Variants in OR5AR1 observed in about 807,000 individuals in gnomAD.
OR5AR1 encodes the protein olfactory receptor family 5 subfamily AR member 1.
A neutral mutation model predicts 12.3 loss-of-function variants in OR5AR1; 19 were observed. The ratio of observed to expected loss-of-function variants is 1.55; its 90% CI spans 1.08 to 2.27. The LOEUF (loss-of-function observed/expected upper bound fraction) is 2.27. Among genes scored for constraint, OR5AR1 ranks in the 30% most tolerant of loss-of-function variants. The pLI is 0.00. For synonymous variants in OR5AR1, 156 were observed against 138.8 expected (o/e 1.12, Z -0.87); for missense variants, 432 against 378.4 (o/e 1.14, Z -1.18).
chr11:56,664,556 A>T lies in OR5AR1; in HGVS notation c.871A>T (p.Ser291Cys), dbSNP rs371714522. The T allele has an allele frequency of 2.0e-4, 315 of 1,613,356 alleles. No individual in the cohort carries two copies. The highest frequency in any genetic ancestry group is 2.5e-4 in the Non-Finnish European group (300 of 1,179,664). ...IIPMLNPLIYSLRNKDVKAAF... is the reference protein window; with the variant it reads ...IIPMLNPLIYCLRNKDVKAAF... ...CCCCATGTTAAATCCCTTGATCTACAGTTTGCGGAACAAGGATGTGAAAGC... is the reference window on the plus strand; with the variant it reads ...CCCCATGTTAAATCCCTTGATCTACTGTTTGCGGAACAAGGATGTGAAAGC... The change falls in exon 1 of 1, where the codon AGT becomes TGT. Residue 291 changes from serine to cysteine, a missense_variant. By Grantham distance (112) the Ser-to-Cys change is moderately radical. Coordinates refer to ENST00000624596, the MANE Select transcript of OR5AR1 (RefSeq NM_001004730.1).
rs774440166 is a variant in OR5AR1 at position 56,663,832 on chromosome 11, T to C, written c.147T>C (p.Ile49=). The C allele has an allele frequency of 1.2e-6, 2 of 1,613,930 alleles. No homozygotes were observed. The highest frequency in any genetic ancestry group is 1.7e-6 in the Non-Finnish European group (2 of 1,179,972). ...GGAATATTGGTATGATTATCCTGATTACAACAGACACTCAGCTTCACACAC... is the reference window on the plus strand; with the variant it reads ...GGAATATTGGTATGATTATCCTGATCACAACAGACACTCAGCTTCACACAC... ...VVGNIGMIIL[I]TTDTQLHTPM... The change falls in exon 1 of 1, where the codon ATT becomes ATC. Residue 49 remains isoleucine, a synonymous_variant. Transcript: ENST00000624596.
rs749806920 is a variant in OR5AR1 at position 56,663,820 on chromosome 11, G to A, written c.135G>A (p.Met45Ile). ...YLVNVVGNIG[M>I]IILITTDTQL... ...TTAATGTAGTGGGGAATATTGGTATGATTATCCTGATTACAACAGACACTC... is the reference window on the plus strand; with the variant it reads ...TTAATGTAGTGGGGAATATTGGTATAATTATCCTGATTACAACAGACACTC... Residue 45 changes from methionine (M) to isoleucine (I), a missense_variant, in exon 1 of 1, where the codon ATG becomes ATA. By Grantham distance (10) the Met-to-Ile change is conservative (BLOSUM62 1). Transcript: ENST00000624596. 1.9e-6 allele frequency: 3 copies of A among 1,613,948 alleles called. No individual in the cohort carries two copies. Among genetic ancestry groups the A allele is most frequent in the East Asian group, 4.5e-5 (2 of 44,860 alleles).
At position 56,664,193 on chromosome 11, in the gene OR5AR1, G is replaced by A; in HGVS notation, c.508G>A (p.Gly170Ser). 1 of 1,614,016 alleles carries A rather than the reference G, an allele frequency of 6.2e-7. No individual in the cohort carries two copies. The highest frequency in any genetic ancestry group is 1.1e-5 in the South Asian group (1 of 91,064). The change falls in exon 1 of 1, where the codon GGT (glycine) becomes AGT (serine). Residue 170 changes from glycine (G) to serine (S), a missense_variant. Coordinates refer to ENST00000624596, the MANE Select transcript of OR5AR1 (RefSeq NM_001004730.1). ...TTLTFSLSYCGSNIINHFFCE... is the reference protein window; with the variant it reads ...TTLTFSLSYCSSNIINHFFCE... ...CCTCACCTTCAGCCTGAGTTACTGT[G>A]GTTCCAATATCATCAATCATTTCTT...
chr11:56,663,985 G>A lies in OR5AR1; in HGVS notation c.300G>A (p.Gln100=). The change falls in exon 1 of 1, where the codon CAG becomes CAA. Residue 100 remains glutamine (Q), a synonymous_variant. Coordinates refer to ENST00000624596, the MANE Select transcript of OR5AR1 (RefSeq NM_001004730.1). The part of the protein sequence containing the change: ...KVISFSSCAT[Q]FAFFVGFVDA... ...TCTCCTTCTCCAGCTGTGCCACCCA[G>A]TTTGCTTTTTTTGTAGGTTTTGTGG... is the stretch of plus-strand genomic sequence containing the variant. 6.2e-7 allele frequency: 1 copy of A among 1,614,058 alleles called. No homozygotes were observed. The highest frequency in any genetic ancestry group is 1.6e-4 in the Middle Eastern group (1 of 6,062).
At position 56,664,230 on chromosome 11, in the gene OR5AR1, C is replaced by A. The variant is rs1015410239; in HGVS notation, c.545C>A (p.Pro182Gln). 4 of 1,613,968 alleles carry A rather than the reference C, an allele frequency of 2.5e-6. No individual in the cohort carries two copies. The highest frequency in any genetic ancestry group is 3.4e-6 in the Non-Finnish European group (4 of 1,179,998). Residue 182 changes from proline (P) to glutamine (Q), a missense_variant, in exon 1 of 1, where the codon CCA becomes CAA. Pro to Gln is a moderately conservative substitution (Grantham distance 76). Coordinates refer to ENST00000624596, the MANE Select transcript of OR5AR1 (RefSeq NM_001004730.1). ...ATCAATCATTTCTTCTGCGAAATCC[C>A]ACCACTCTTGGCCCTCTCTTGCTCA... ...NIINHFFCEI[P>Q]PLLALSCSDT... is the part of the protein sequence containing the mutation.
chr11:56,663,753 T>A lies in OR5AR1; in HGVS notation c.68T>A (p.Met23Lys), dbSNP rs1287291506. 4 of 1,613,768 alleles carry A rather than the reference T, an allele frequency of 2.5e-6. No homozygotes were observed. The highest frequency in any genetic ancestry group is 3.4e-6 in the Non-Finnish European group (4 of 1,179,702). ...IFMGITQDPQMEIIFFVVFLI... is the reference protein window; with the variant it reads ...IFMGITQDPQKEIIFFVVFLI... ...ATGGGCATCACCCAGGACCCTCAGA[T>A]GGAGATCATCTTCTTCGTGGTCTTC... The change falls in exon 1 of 1, where the codon ATG becomes AAG. Residue 23 changes from methionine (M) to lysine (K), a missense_variant. Transcript: ENST00000624596.
rs867239880 is a variant in OR5AR1, at chr11:56,663,754, G to A, written c.69G>A (p.Met23Ile). The A allele has an allele frequency of 1.2e-6, 2 of 1,613,588 alleles. No homozygotes were observed. The highest frequency in any genetic ancestry group is 1.7e-6 in the Non-Finnish European group (2 of 1,179,604). The change falls in exon 1 of 1, where the codon ATG becomes ATA. Residue 23 changes from methionine (M) to isoleucine (I), a missense_variant. Transcript: ENST00000624596. ...TGGGCATCACCCAGGACCCTCAGAT[G>A]GAGATCATCTTCTTCGTGGTCTTCC... ...IFMGITQDPQ[M>I]EIIFFVVFLI... is the part of the protein sequence containing the mutation.
At position 56,663,952 on chromosome 11, in the gene OR5AR1, CAA is replaced by C; in HGVS notation, c.269_270del (p.Lys90SerfsTer21). On this transcript the variant is annotated frameshift_variant, in exon 1 of 1. Transcript: ENST00000624596. LOFTEE classifies it high-confidence loss of function. Reference sequence around the variant, plus strand: ...TGCTGGCTGACTTCCTAACAAATCACAAAGTTATCTCCTTCTCCAGCTGTGCC... The same window carrying C: ...TGCTGGCTGACTTCCTAACAAATCACAGTTATCTCCTTCTCCAGCTGTGCC... The part of the protein sequence containing the change: ...RMLADFLTNH[K>X]VISFSSCATQ... 1.9e-6 allele frequency: 3 copies of C among 1,614,116 alleles called. No individual in the cohort carries two copies. Among genetic ancestry groups the C allele is most frequent in the Non-Finnish European group, 2.5e-6 (3 of 1,180,020 alleles).
At position 56,664,460 on chromosome 11, in the gene OR5AR1, T is replaced by C. The variant is rs1857219755; in HGVS notation, c.775T>C (p.Tyr259His). ...CTTCTATGGCACAGTCATGTTTATG[T>C]ACCTGAGGCCAACATCCAGCTACTC... is the stretch of plus-strand genomic sequence containing the variant. ...TLFYGTVMFM[Y>H]LRPTSSYSLD... Residue 259 changes from tyrosine to histidine, a missense_variant, in exon 1 of 1, where the codon TAC (tyrosine) becomes CAC (histidine). Transcript: ENST00000624596. The C allele has an allele frequency of 6.2e-7, 1 of 1,614,166 alleles. No individual in the cohort carries two copies. Among genetic ancestry groups the C allele is most frequent in the Admixed American group, 1.7e-5 (1 of 59,998 alleles).
chr11:56,664,522 G>A lies in OR5AR1; in HGVS notation c.837G>A (p.Thr279=), dbSNP rs61742850. The part of the protein sequence containing the change: ...DQDKWASVFY[T]VIIPMLNPLI... ...ACAAGTGGGCCTCTGTGTTCTACAC[G>A]GTTATCATCCCCATGTTAAATCCCT... The change falls in exon 1 of 1, where the codon ACG becomes ACA. Residue 279 remains threonine (T), a synonymous_variant. Coordinates refer to ENST00000624596, the MANE Select transcript of OR5AR1 (RefSeq NM_001004730.1). 1,871 of 1,613,944 alleles carry A rather than the reference G, an allele frequency of 1.2e-3. 13 individuals carry two copies. In the African/African-American group the frequency reaches 0.02, roughly 17 times the overall value.
chr11:56,663,689 G>T lies in OR5AR1; in HGVS notation c.4G>T (p.Asp2Tyr). Residue 2 changes from aspartate to tyrosine, a missense_variant, in exon 1 of 1, where the codon GAT becomes TAT. By Grantham distance (160) the Asp-to-Tyr change is radical. Transcript: ENST00000624596. ...AGGCACACATACACTTGAAGCAATG[G>T]ATAAAGAAAACAGCTCAATGGTGAC... M[D>Y]KENSSMVTEF... 1 of 1,599,348 alleles carries T rather than the reference G, an allele frequency of 6.3e-7. No individual in the cohort carries two copies. The highest frequency in any genetic ancestry group is 8.5e-7 in the Non-Finnish European group (1 of 1,171,976).
At position 56,663,890 on chromosome 11, in the gene OR5AR1, G is replaced by C. The variant is rs1451454056; in HGVS notation, c.205G>C (p.Val69Leu). Residue 69 changes from valine to leucine, a missense_variant, in exon 1 of 1, where the codon GTT becomes CTT. Transcript: ENST00000624596. ...TTTTTTCCTCTGCAACCTCTCCTTT[G>C]TTGACCTGGGCTACTCCTCAGCCAT... ...MYFFLCNLSF[V>L]DLGYSSAIAP... is the part of the protein sequence containing the mutation. 1 of 1,614,016 alleles carries C rather than the reference G, an allele frequency of 6.2e-7. No homozygotes were observed. The highest frequency in any genetic ancestry group is 8.5e-7 in the Non-Finnish European group (1 of 1,179,950).
Position 56,664,581 on chromosome 11 carries a change from C to A in OR5AR1, c.896C>A (p.Ala299Asp). 3 of 1,599,424 alleles carry A rather than the reference C, an allele frequency of 1.9e-6. No homozygotes were observed. Among genetic ancestry groups the A allele is most frequent in the Non-Finnish European group, 2.6e-6 (3 of 1,172,340 alleles). Residue 299 changes from alanine to aspartate, a missense_variant, in exon 1 of 1, where the codon GCT (alanine) becomes GAT (aspartate). Coordinates refer to ENST00000624596, the MANE Select transcript of OR5AR1 (RefSeq NM_001004730.1). ...AGTTTGCGGAACAAGGATGTGAAAG[C>A]TGCTTTCAAAAAGCTAATTGGAAAA... ...IYSLRNKDVK[A>D]AFKKLIGKKS...
chr11:56,663,702 G>C lies in OR5AR1; in HGVS notation c.17G>C (p.Ser6Thr). The C allele has an allele frequency of 6.2e-7, 1 of 1,609,454 alleles. No homozygotes were observed. The highest frequency in any genetic ancestry group is 8.5e-7 in the Non-Finnish European group (1 of 1,177,328). The change falls in exon 1 of 1, where the codon AGC becomes ACC. Residue 6 changes from serine (S) to threonine (T), a missense_variant. Ser to Thr is a moderately conservative substitution (Grantham distance 58). Coordinates refer to ENST00000624596, the MANE Select transcript of OR5AR1 (RefSeq NM_001004730.1). Reference protein sequence around the residue: MDKENSSMVTEFIFMG... With the variant: MDKENTSMVTEFIFMG... ...CTTGAAGCAATGGATAAAGAAAACA[G>C]CTCAATGGTGACTGAGTTTATCTTC...
At position 56,664,563 on chromosome 11, in the gene OR5AR1, G is replaced by T; in HGVS notation, c.878G>T (p.Arg293Leu). ...TTAAATCCCTTGATCTACAGTTTGCGGAACAAGGATGTGAAAGCTGCTTTC... is the reference window on the plus strand; with the variant it reads ...TTAAATCCCTTGATCTACAGTTTGCTGAACAAGGATGTGAAAGCTGCTTTC... ...PMLNPLIYSL[R>L]NKDVKAAFKK... Residue 293 changes from arginine (R) to leucine (L), a missense_variant, in exon 1 of 1, where the codon CGG becomes CTG. Transcript: ENST00000624596. 6.2e-7 allele frequency: 1 copy of T among 1,608,666 alleles called. No homozygotes were observed. The highest frequency in any genetic ancestry group is 8.5e-7 in the Non-Finnish European group (1 of 1,177,338).
rs1451454056 is a variant in OR5AR1 at position 56,663,890 on chromosome 11, G to A, written c.205G>A (p.Val69Ile). The change falls in exon 1 of 1, where the codon GTT becomes ATT. Residue 69 changes from valine to isoleucine, a missense_variant. By Grantham distance (29) the Val-to-Ile change is conservative (BLOSUM62 3). Coordinates refer to ENST00000624596, the MANE Select transcript of OR5AR1 (RefSeq NM_001004730.1). ...TTTTTTCCTCTGCAACCTCTCCTTT[G>A]TTGACCTGGGCTACTCCTCAGCCAT... ...MYFFLCNLSF[V>I]DLGYSSAIAP... The A allele has an allele frequency of 1.2e-6, 2 of 1,614,016 alleles. No individual in the cohort carries two copies. The highest frequency in any genetic ancestry group is 2.2e-5 in the South Asian group (2 of 91,078).
At position 56,664,328 on chromosome 11, in the gene OR5AR1, T is replaced by C. The variant is rs1383130486; in HGVS notation, c.643T>C (p.Phe215Leu). 2 of 1,614,022 alleles carry C rather than the reference T, an allele frequency of 1.2e-6. No homozygotes were observed. The highest frequency in any genetic ancestry group is 2.7e-5 in the African/African-American group (2 of 74,908). ...TGAATTCAGCACCATCCTCATCATCTTCATCTCCTATACCTTTATCCTTGT... is the reference window on the plus strand; with the variant it reads ...TGAATTCAGCACCATCCTCATCATCCTCATCTCCTATACCTTTATCCTTGT... Reference protein sequence around the residue: ...FIEFSTILIIFISYTFILVAI... With the variant: ...FIEFSTILIILISYTFILVAI... Residue 215 changes from phenylalanine to leucine, a missense_variant, in exon 1 of 1, where the codon TTC becomes CTC. Coordinates refer to ENST00000624596, the MANE Select transcript of OR5AR1 (RefSeq NM_001004730.1).
At position 56,664,085 on chromosome 11, in the gene OR5AR1, A is replaced by T; in HGVS notation, c.400A>T (p.Thr134Ser). 1 of 1,613,526 alleles carries T rather than the reference A, an allele frequency of 6.2e-7. No individual in the cohort carries two copies. The highest frequency in any genetic ancestry group is 8.5e-7 in the Non-Finnish European group (1 of 1,179,924). Residue 134 changes from threonine (T) to serine (S), a missense_variant, in exon 1 of 1, where the codon ACC becomes TCC. By Grantham distance (58) the Thr-to-Ser change is moderately conservative. Coordinates refer to ENST00000624596, the MANE Select transcript of OR5AR1 (RefSeq NM_001004730.1). ...VAICRPLHYS[T>S]FMSKQVCLAL... ...CATTTGTCGACCCCTCCACTATAGC[A>T]CCTTCATGTCCAAGCAGGTCTGCTT...
chr11:56,664,551 T>C lies in OR5AR1; in HGVS notation c.866T>C (p.Ile289Thr), dbSNP rs139654321. The change falls in exon 1 of 1, where the codon ATC becomes ACC. Residue 289 changes from isoleucine (I) to threonine (T), a missense_variant. Ile to Thr is a moderately conservative substitution (Grantham distance 89). Transcript: ENST00000624596. ...TVIIPMLNPL[I>T]YSLRNKDVKA... ...ATCATCCCCATGTTAAATCCCTTGA[T>C]CTACAGTTTGCGGAACAAGGATGTG... 6 of 1,613,572 alleles carry C rather than the reference T, an allele frequency of 3.7e-6. No homozygotes were observed. Among genetic ancestry groups the C allele is most frequent in the Middle Eastern group, 1.6e-4 (1 of 6,084 alleles).
Sources: allele counts gnomAD v4.1 joint callset, GRCh38; gene constraint gnomAD v4.1.1; transcripts MANE v1.5; gene names NCBI Gene and HGNC (gene_info 2026-07-23, HGNC 2026-07-21).